The following DHPS variants were observed in gnomAD, a reference collection of about 807,000 sequenced individuals.
The protein encoded by DHPS is migration-inducing gene 13.
DHPS carries 24 observed loss-of-function variants against 38.7 expected under a neutral mutation model. The ratio of observed to expected loss-of-function variants is 0.62; its 90% CI spans 0.45 to 0.87. The LOEUF (loss-of-function observed/expected upper bound fraction) is 0.87. Ranked by LOEUF, DHPS falls within the 40% of genes least tolerant of loss-of-function variation. DHPS has a pLI of 0.00. For missense variants in DHPS, 510 were observed against 497.6 expected, an observed-to-expected ratio of 1.02 and a Z score of -0.24; for synonymous variants, 250 against 204.4, an observed-to-expected ratio of 1.22 and a Z score of -1.90.
downstream of DHPS, chr19:12,672,736 T>C: frequency 8.7e-7 from 1 of 1,147,708 alleles, no homozygotes; most frequent in Non-Finnish European, 1.3e-6. Flanking sequence ...AGCTTCAGAA[T>C]TCCACTCCTG....
Position 12,677,298 on chromosome 19 carries a change from G to A in DHPS, c.777C>T (p.Ile259=), listed in dbSNP as rs756511088. 12 of 1,614,024 alleles carry A rather than the reference G, an allele frequency of 7.4e-6. No homozygotes were observed. The highest frequency in any genetic ancestry group is 5.3e-5 in the African/African-American group (4 of 74,920). ...SYKNPGLVLD[I]VEDLRLINTQ... is the part of the protein sequence containing the mutation. The stretch of plus-strand genomic sequence containing the variant: ...GTGGCCCTAGCGCCTCACCCTCAAC[G>A]ATGTCCAGGACCAGGCCCGGGTTCT... The change falls in exon 6 of 9, where the codon ATC becomes ATT. Residue 259 remains isoleucine (I), a synonymous_variant. Coordinates refer to ENST00000210060, the MANE Select transcript of DHPS (RefSeq NM_001930.4).
chr19:12,681,752 C>A lies in DHPS; in HGVS notation c.15G>T (p.Leu5=), dbSNP rs149573101. The A allele has an allele frequency of 1.9e-5, 31 of 1,610,240 alleles. No individual in the cohort carries two copies. The highest frequency in any genetic ancestry group is 1.7e-4 in the Middle Eastern group (1 of 5,836). Residue 5 remains leucine, a synonymous_variant, in exon 1 of 9, where the codon CTG becomes CTT. Coordinates refer to ENST00000210060, the MANE Select transcript of DHPS (RefSeq NM_001930.4). ...GCGCCCCCGCTGGCGCCTCCCGTTC[C>A]AGGGAACCTTCCATGCGCCTATAGC... MEGS[L]EREAPAGALA...
chr19:12,674,556 G>A (rs1385767543), downstream of DHPS, among the ~76,000 whole-genome samples: 1 of 152,198 alleles, frequency 6.6e-6, no homozygotes, highest in Non-Finnish European at 1.5e-5. Flanking sequence ...TGCCTTGGAG[G>A]GCAGGCACAT....
At chr19:12,681,133 GC>G in intron 1 of DHPS, 3 of 1,277,192 alleles carry the variant, frequency 2.3e-6, no homozygotes, top group Non-Finnish European at 2.0e-6. Context: ...CGCCCAGCCA[GC>G]CCCCACCCTT....
At chr19:12,681,384 A>C (rs1271612401) in intron 1 of DHPS, 176 bp downstream of exon 1, 1 of 1,005,710 alleles carries the variant, frequency 9.9e-7, no homozygotes, top group Non-Finnish European at 1.4e-6. Flanking sequence ...AGAGTGCAAA[A>C]TCCCCTTCCC....
chr19:12,679,477 C>G lies in DHPS; in HGVS notation c.658G>C (p.Val220Leu), dbSNP rs745469402. Reference protein sequence around the residue: ...LGKEINNPESVYYWAQKNHIP... With the variant: ...LGKEINNPESLYYWAQKNHIP... ...CTCACCTTCTGGGCCCAGTAATACA[C>G]GGACTCTGGGTTGTTGATCTCCTTG... Residue 220 changes from valine to leucine, a missense_variant, in exon 5 of 9, where the codon GTG (valine) becomes CTG (leucine). Val to Leu is a conservative substitution (Grantham distance 32). Coordinates refer to ENST00000210060, the MANE Select transcript of DHPS (RefSeq NM_001930.4). 1 of 1,614,138 alleles carries G rather than the reference C, an allele frequency of 6.2e-7. No homozygotes were observed. The highest frequency in any genetic ancestry group is 2.2e-5 in the East Asian group (1 of 44,884).
At chr19:12,673,356 C>A, downstream of DHPS, 1 of 1,513,570 alleles carries the variant, frequency 6.6e-7, no homozygotes, top group African/African-American at 1.4e-5. Flanking sequence ...TAGATGCCTG[C>A]CCCATCTCAG....
chr19:12,673,928 G>A (rs2024494017), downstream of DHPS, among the ~76,000 whole-genome samples: 1 of 152,166 alleles, frequency 6.6e-6, no homozygotes, highest in African/African-American at 2.4e-5. Flanking sequence ...TCAAACTCCT[G>A]ACCTCAAGTG....
intron 7 of DHPS, 163 bp downstream of exon 7, chr19:12,676,945 C>A: frequency 1.5e-6 from 1 of 649,074 alleles, no homozygotes; most frequent in Non-Finnish European, 2.8e-6. Flanking sequence ...CAATGACTGC[C>A]CCCTGACGTG....
downstream of DHPS, chr19:12,672,954 G>A (rs770979161): frequency 4.4e-6 from 7 of 1,596,006 alleles, no homozygotes; most frequent in Non-Finnish European, 5.1e-6. Flanking sequence ...AGGGAAGATG[G>A]GGGGCCAACC....
chr19:12,681,299 A>C, intron 1 of DHPS: 2 of 1,246,498 alleles, frequency 1.6e-6, no homozygotes, highest in Non-Finnish European at 2.1e-6. Flanking sequence ...AAAGCTTTAA[A>C]TGTACCTAGA....
At chr19:12,675,551 G>C, downstream of DHPS, 1 of 1,606,214 alleles carries the variant, frequency 6.2e-7, no homozygotes, top group Non-Finnish European at 8.5e-7. Flanking sequence ...CTGCCTGTGG[G>C]TTCCGGTGTG....
chr19:12,681,425 C>T, intron 1 of DHPS, 135 bp downstream of exon 1: 1 of 1,165,764 alleles, frequency 8.6e-7, no homozygotes, highest in Admixed American at 2.4e-5. Context: ...GAATAGGTCC[C>T]GCCTTCCTCC....
At position 12,678,791 on chromosome 19, in the gene DHPS, AG is replaced by A. The variant is rs1434124560; in HGVS notation, c.678+665del. ...CTCAAAAAAAAAAAAAAAAAAAAAA[AG>A]ACTATGTAGCTTTTTTTTTTTTTTT... On this transcript the variant is annotated intron_variant, in intron 5 of 8. Coordinates refer to ENST00000210060, the MANE Select transcript of DHPS (RefSeq NM_001930.4). Among the ~76,000 whole-genome samples the A allele has an allele frequency of 1.7e-3, 235 of 136,882 alleles. 2 individuals are homozygous for A. Among genetic ancestry groups the A allele is most frequent in the East Asian group, 3.1e-3 (14 of 4,452 alleles). 89.8% of individuals were successfully genotyped at this position (136,882 alleles called of 152,430 possible). A position where few individuals can be genotyped will look rare whatever the true frequency, so the allele number is the denominator to read the frequency against.
downstream of DHPS, chr19:12,673,273 G>C (rs375508885): frequency 1.0e-4 from 162 of 1,613,996 alleles, no homozygotes; most frequent in Non-Finnish European, 1.3e-4. Context: ...CATGTGGTCA[G>C]CTGTTCTGAG....
intron 5 of DHPS, 70 bp downstream of exon 5, chr19:12,679,387 G>C (rs923314093): frequency 1.4e-6 from 2 of 1,394,226 alleles, no homozygotes; most frequent in Middle Eastern, 1.8e-4. Context: ...GAATCCCCAG[G>C]AGGCTGGAAA....
In DHPS at chr19:12,677,110, T is replaced by G. The variant is rs1265089114; in HGVS notation, c.886A>C (p.Met296Leu). 4.3e-6 allele frequency: 7 copies of G among 1,613,712 alleles called. No individual in the cohort carries two copies. The highest frequency in any genetic ancestry group is 5.9e-6 in the Non-Finnish European group (7 of 1,179,612). Residue 296 changes from methionine to leucine, a missense_variant and splice_region_variant, in exon 7 of 9, where the codon ATG (methionine) becomes CTG (leucine). Coordinates refer to ENST00000210060, the MANE Select transcript of DHPS (RefSeq NM_001930.4). ...VKHHIANANL[M>L]RNGADYAVYI... Reference sequence around the variant, plus strand: ...GCCGAAGCGCCACCCCCACTCACCATGAGGTTGGCATTGGCAATGTGGTGC... The same window carrying G: ...GCCGAAGCGCCACCCCCACTCACCAGGAGGTTGGCATTGGCAATGTGGTGC...
chr19:12,681,877 G>A lies in DHPS; in HGVS notation c.-111C>T. 2 of 977,472 alleles carry A rather than the reference G, an allele frequency of 2.0e-6. No homozygotes were observed. The highest frequency in any genetic ancestry group is 1.6e-5 in the African/African-American group (1 of 61,642). The allele number at this position is 977,472 out of a possible 1,614,324, so 60.5% of individuals were successfully genotyped here. A position where few individuals can be genotyped will look rare whatever the true frequency, so the allele number is the denominator to read the frequency against. Reference sequence around the variant, plus strand: ...TCTCCGCAAGAGCACAGGAAGTAGGGAACGTGCTTTGGGCGAAAGACCGGA... The same window carrying A: ...TCTCCGCAAGAGCACAGGAAGTAGGAAACGTGCTTTGGGCGAAAGACCGGA... On this transcript the variant is annotated 5_prime_UTR_variant, in exon 1 of 9. Coordinates refer to ENST00000210060, the MANE Select transcript of DHPS (RefSeq NM_001930.4).
At chr19:12,678,427 A>G (rs768359479) in intron 5 of DHPS, among the ~76,000 whole-genome samples, 8 of 152,072 alleles carry the variant, frequency 5.3e-5, no homozygotes, top group Non-Finnish European at 7.4e-5. Context: ...TTATTGTGCC[A>G]TTGCACTCCA....
Sources: gnomAD v4.1 joint callset for allele counts (sites outside exome capture counted in the v4.1 genomes callset) on GRCh38, gnomAD v4.1.1 for gene constraint, MANE v1.5 for transcripts, NCBI Gene and HGNC (gene_info 2026-07-23, HGNC 2026-07-21) for gene names.